Variants in PRKACB observed in about 807,000 individuals in gnomAD.
The protein encoded by PRKACB is cAMP-dependent protein kinase catalytic subunit beta.
Under a neutral mutation model 51.4 loss-of-function variants are expected in PRKACB, and 16 were observed. The observed-to-expected ratio is 0.31, with a 90% CI of 0.21 to 0.47. PRKACB has a LOEUF of 0.47. Ranked by LOEUF, PRKACB falls within the 20% of genes least tolerant of loss-of-function variation. The probability of loss-of-function intolerance (pLI) is 1.00; values close to 1 mark genes in which losing one functional copy is unlikely to be tolerated. For missense variants in PRKACB, 309 were observed against 464.5 expected (o/e 0.67, Z 3.08); for synonymous variants, 147 against 154.4 (o/e 0.95, Z 0.35).
chr1:84,121,179 T>A (rs1237932922), intron 1 of PRKACB, among the ~76,000 whole-genome samples: 1 of 152,088 alleles, frequency 6.6e-6, no homozygotes, highest in Non-Finnish European at 1.5e-5. Flanking sequence ...TTGGAATTTT[T>A]CCTTTTTTCA....
At chr1:84,081,674 C>G (rs780735891) in intron 1 of PRKACB, among the ~76,000 whole-genome samples, 2 of 151,982 alleles carry the variant, frequency 1.3e-5, no homozygotes, top group Non-Finnish European at 2.9e-5. Context: ...CACCAACACA[C>G]CAAAAAAACA....
chr1:84,152,657 C>T (rs79055307), intron 1 of PRKACB, among the ~76,000 whole-genome samples: 1 of 152,144 alleles, frequency 6.6e-6, no homozygotes, highest in East Asian at 1.9e-4. Context: ...CTGCTAGCTT[C>T]AGACTTCTGC....
At chr1:84,183,274 A>G (rs1442985667) in intron 3 of PRKACB, among the ~76,000 whole-genome samples, 4 of 151,982 alleles carry the variant, frequency 2.6e-5, no homozygotes, top group Non-Finnish European at 2.9e-5. Flanking sequence ...TCACATATGG[A>G]ATAGAATCAC....
chr1:84,186,786 AC>A (rs1029878590), intron 5 of PRKACB, among the ~76,000 whole-genome samples: 1 of 151,972 alleles, frequency 6.6e-6, no homozygotes, highest in Non-Finnish European at 1.5e-5. Flanking sequence ...CTATGTAGGG[AC>A]CTGGGCCACA....
intron 9 of PRKACB, among the ~76,000 whole-genome samples, chr1:84,221,645 A>C (rs1334328868): frequency 6.6e-6 from 1 of 151,838 alleles, no homozygotes; most frequent in Non-Finnish European, 1.5e-5. Context: ...TCTTTGCTTT[A>C]AGATTGTTTT....
At chr1:84,167,071 T>C (rs745594889) in intron 1 of PRKACB, among the ~76,000 whole-genome samples, 1 of 151,624 alleles carries the variant, frequency 6.6e-6, no homozygotes, top group Non-Finnish European at 1.5e-5. Flanking sequence ...CATTAAGTTC[T>C]ATTGATTCTA....
chr1:84,191,803 C>T (rs1666881293), intron 5 of PRKACB, among the ~76,000 whole-genome samples: 2 of 151,790 alleles, frequency 1.3e-5, no homozygotes, highest in South Asian at 4.2e-4. Flanking sequence ...ATGTAGCAAA[C>T]CTGCACATGT....
Position 84,202,804 on chromosome 1 carries a change from A to C in PRKACB, c.905A>C (p.Lys302Thr). The change falls in exon 8 of 10, where the codon AAG (lysine) becomes ACG (threonine). Residue 302 changes from lysine to threonine, a missense_variant and splice_region_variant. Transcript: ENST00000370685. ...ATTTATGAAAAGATTGTTTCTGGAA[A>C]GGTAAGTAAAACATTTTATTATTCC... The part of the protein sequence containing the change: ...IQIYEKIVSG[K>T]VRFPSHFSSD... 1 of 1,600,652 alleles carries C rather than the reference A, an allele frequency of 6.2e-7. No homozygotes were observed. The highest frequency in any genetic ancestry group is 8.5e-7 in the Non-Finnish European group (1 of 1,170,002).
chr1:84,111,454 A>G (rs922168450), intron 1 of PRKACB, among the ~76,000 whole-genome samples: 2 of 152,126 alleles, frequency 1.3e-5, no homozygotes, highest in Non-Finnish European at 2.9e-5. Context: ...TCTGCTTAAG[A>G]TAATCTATAG....
intron 2 of PRKACB, chr1:84,181,657 C>T (rs1273829191): frequency 6.7e-7 from 1 of 1,492,542 alleles, no homozygotes; most frequent in South Asian, 1.3e-5. Flanking sequence ...ACTAGGCTCT[C>T]TCATGCTGCT....
chr1:84,220,181 A>T (rs1166689986), intron 9 of PRKACB, among the ~76,000 whole-genome samples: 5 of 151,938 alleles, frequency 3.3e-5, no homozygotes, highest in Non-Finnish European at 7.4e-5. Flanking sequence ...TCTTGGTCAA[A>T]TTTATTCCTA....
chr1:84,157,479 T>C (rs961669637), intron 1 of PRKACB: 1 of 152,134 alleles, frequency 6.6e-6, no homozygotes, highest in Non-Finnish European at 1.5e-5. Context: ...TTTAAGGATT[T>C]GCGCAACCAT....
chr1:84,095,096 A>G lies in PRKACB; in HGVS notation c.46+16725A>G, dbSNP rs552793196. ...ATCTAGGTTTATGTAAGTGCACTCT[A>G]TGATGTTCGTACAGTGACGAGATTG... On this transcript the variant is annotated intron_variant, in intron 1 of 8. Transcript: ENST00000370688. Among the ~76,000 whole-genome samples the G allele has an allele frequency of 1.4e-4, 22 of 152,072 alleles. No individual in the cohort carries two copies. The South Asian group carries it at 1.7e-3, about 11-fold the overall frequency.
chr1:84,105,185 A>C (rs1005013991), intron 1 of PRKACB, among the ~76,000 whole-genome samples: 1 of 152,192 alleles, frequency 6.6e-6, no homozygotes, highest in East Asian at 1.9e-4. Context: ...TTTTTTTTCA[A>C]CTGAATCTCT....
intron 9 of PRKACB, among the ~76,000 whole-genome samples, chr1:84,226,814 C>G (rs1441421183): frequency 1.3e-5 from 2 of 152,148 alleles, no homozygotes. Context: ...CAAGAATATA[C>G]TTTCAGGGAT....
At chr1:84,083,342 G>C (rs897310542) in intron 1 of PRKACB, among the ~76,000 whole-genome samples, 1 of 152,136 alleles carries the variant, frequency 6.6e-6, no homozygotes, top group Non-Finnish European at 1.5e-5. Context: ...GATTCTGTTT[G>C]TGCAGATTGT....
intron 2 of PRKACB, among the ~76,000 whole-genome samples, chr1:84,180,398 T>A (rs995472630): frequency 6.6e-6 from 1 of 150,830 alleles, no homozygotes; most frequent in Non-Finnish European, 1.5e-5. Context: ...AATGATATAA[T>A]GGACTTTTGG....
chr1:84,097,077 A>G (rs1042705384), intron 1 of PRKACB, among the ~76,000 whole-genome samples: 2 of 151,898 alleles, frequency 1.3e-5, no homozygotes, highest in African/African-American at 2.4e-5. Flanking sequence ...AGGGTTCTTT[A>G]CTTTTTGTTA....
At position 84,200,447 on chromosome 1, in the gene PRKACB, G is replaced by A. The variant is rs192586282; in HGVS notation, c.784-2236G>A. Among the ~76,000 whole-genome samples, 15 of 152,176 alleles carry A rather than the reference G, an allele frequency of 9.9e-5. 1 individual carries two copies. The East Asian group carries it at 1.9e-3, about 20-fold the overall frequency. ...CCATTCTGTAGGTTGTCTGTTTACC[G>A]TTGATAGTTTCTTTTGCTGTGCAGA... is the stretch of plus-strand genomic sequence containing the variant. On this transcript the variant is annotated intron_variant, in intron 7 of 9. Transcript: ENST00000370685.
Sources: allele counts gnomAD v4.1 joint callset (sites outside exome capture counted in the v4.1 genomes callset), GRCh38; gene constraint gnomAD v4.1.1; transcripts MANE v1.5; gene names NCBI Gene and HGNC (gene_info 2026-07-23, HGNC 2026-07-21).